The following DNAH11 variants were observed in gnomAD, a reference collection of about 807,000 sequenced individuals.
The protein encoded by DNAH11 is axonemal beta dynein heavy chain 11.
In DNAH11, 442 loss-of-function variants were observed where a neutral mutation model predicts 526.0. The ratio of observed to expected loss-of-function variants is 0.84; its 90% CI spans 0.78 to 0.91. The LOEUF is 0.91. DNAH11 is among the 40% of genes least tolerant of loss of function. The pLI is 0.00. For missense variants in DNAH11, 6,989 were observed against 5,448.7 expected (o/e 1.28, Z -8.90); for synonymous variants, 2,461 against 1,935.9 (o/e 1.27, Z -7.12).
intron 43 of DNAH11, among the ~76,000 whole-genome samples, chr7:21,718,618 A>C (rs1021104242): frequency 1.3e-5 from 2 of 152,204 alleles, no homozygotes; most frequent in Non-Finnish European, 2.9e-5. Context: ...AAAATAATTC[A>C]CAACACACAG....
rs770186131 is a variant in DNAH11 at position 21,600,137 on chromosome 7, G to A, written c.3000+18G>A. On this transcript the variant is annotated intron_variant, in intron 15 of 81. Coordinates refer to ENST00000409508, the MANE Select transcript of DNAH11 (RefSeq NM_001277115.2). ...ATTATCAGGTATTTTCTTAGTAAAT[G>A]GGTATTTAGCTTTTATATTAATGAT... The A allele has an allele frequency of 6.6e-7, 1 of 1,521,670 alleles. No individual in the cohort carries two copies. The highest frequency in any genetic ancestry group is 8.8e-7 in the Non-Finnish European group (1 of 1,132,972). The allele number at this position is 1,521,670 out of a possible 1,614,324, so 94.3% of individuals were successfully genotyped here.
At chr7:21,631,418 A>C (rs1277450604) in intron 25 of DNAH11, among the ~76,000 whole-genome samples, 1 of 152,206 alleles carries the variant, frequency 6.6e-6, no homozygotes. Context: ...AAGAGTCCAC[A>C]GTTGTTCAAA....
chr7:21,696,319 G>T (rs1052588252), intron 35 of DNAH11, among the ~76,000 whole-genome samples: 7 of 152,022 alleles, frequency 4.6e-5, no homozygotes, highest in African/African-American at 1.7e-4. Context: ...AATCTGATGA[G>T]AACTTATTTT....
At chr7:21,803,974 G>T (rs536736481) in intron 62 of DNAH11, among the ~76,000 whole-genome samples, 3 of 152,368 alleles carry the variant, frequency 2.0e-5, no homozygotes, top group East Asian at 1.9e-4. Flanking sequence ...CATCTCATGG[G>T]ACTGGGCACA....
At chr7:21,650,953 TTA>T (rs748761663) in intron 28 of DNAH11, among the ~76,000 whole-genome samples, 5 of 118,960 alleles carry the variant, frequency 4.2e-5, no homozygotes, top group Non-Finnish European at 5.4e-5. Context: ...AACTGTTATT[TTA>T]AAAAAAAAAA....
chr7:21,817,291 A>G (rs1012389855), intron 64 of DNAH11, among the ~76,000 whole-genome samples: 2 of 152,150 alleles, frequency 1.3e-5, no homozygotes, highest in African/African-American at 4.8e-5. Flanking sequence ...TTAATGTTGA[A>G]TAAATTATTT....
intron 25 of DNAH11, among the ~76,000 whole-genome samples, chr7:21,632,213 G>T (rs1370557631): frequency 2.0e-5 from 3 of 152,176 alleles, no homozygotes; most frequent in Middle Eastern, 3.2e-3. Flanking sequence ...AGGAACCCTG[G>T]GCCTGGCCCA....
chr7:21,833,813 T>C (rs1264571903), intron 65 of DNAH11, among the ~76,000 whole-genome samples: 17 of 152,362 alleles, frequency 1.1e-4, no homozygotes, highest in Admixed American at 1.0e-3. Flanking sequence ...TTGGTATCTC[T>C]TATGTGTGAG....
At chr7:21,787,681 AT>A (rs759361475) in intron 60 of DNAH11, 98 bp downstream of exon 60, 1 of 1,090,278 alleles carries the variant, frequency 9.2e-7, no homozygotes, top group Non-Finnish European at 1.3e-6. Flanking sequence ...TTGTTATTTC[AT>A]TTTCTGAATA....
intron 65 of DNAH11, among the ~76,000 whole-genome samples, chr7:21,825,959 CA>C (rs56255077): frequency 0.024 from 1,637 of 68,262 alleles, 20 homozygotes; most frequent in African/African-American, 0.07. Flanking sequence ...ACTCTGTCTC[CA>C]AAAAAAAAAA....
chr7:21,561,260 G>A (rs934190527), intron 5 of DNAH11, 90 bp downstream of exon 5: 19 of 937,094 alleles, frequency 2.0e-5, no homozygotes, highest in African/African-American at 9.9e-5. Flanking sequence ...TTACCCTTCC[G>A]CCATGTTTGT....
intron 28 of DNAH11, among the ~76,000 whole-genome samples, chr7:21,650,327 C>T (rs1228706683): frequency 2.6e-5 from 4 of 151,946 alleles, no homozygotes; most frequent in African/African-American, 4.8e-5. Context: ...CATTATTGAA[C>T]GTTTGACAAA....
intron 28 of DNAH11, among the ~76,000 whole-genome samples, chr7:21,645,879 T>G (rs1220150196): frequency 6.6e-6 from 1 of 152,152 alleles, no homozygotes; most frequent in African/African-American, 2.4e-5. Flanking sequence ...TTCATAATCT[T>G]GCACTAAGCA....
chr7:21,589,142 T>C, intron 11 of DNAH11, 66 bp from the exon 12 acceptor site: 2 of 1,250,804 alleles, frequency 1.6e-6, no homozygotes, highest in Non-Finnish European at 2.2e-6. Flanking sequence ...TGTATTACTA[T>C]ACAATTATTA....
chr7:21,593,934 C>G (rs1035237748), intron 14 of DNAH11, among the ~76,000 whole-genome samples: 4 of 151,822 alleles, frequency 2.6e-5, no homozygotes, highest in African/African-American at 9.7e-5. Flanking sequence ...CACACACACT[C>G]TCTTTCACAC....
chr7:21,865,284 T>G (rs1174344615), intron 70 of DNAH11, among the ~76,000 whole-genome samples: 2 of 152,200 alleles, frequency 1.3e-5, no homozygotes, highest in East Asian at 3.8e-4. Context: ...TTCTGTGCAT[T>G]GGAAATAACT....
chr7:21,720,930 G>C, intron 44 of DNAH11, 74 bp downstream of exon 44: 1 of 1,546,588 alleles, frequency 6.5e-7, no homozygotes, highest in South Asian at 1.2e-5. Context: ...GTTAAAACAT[G>C]TGATCTGTAC....
At position 21,766,431 on chromosome 7, in the gene DNAH11, A is replaced by T. The variant is rs575418856; in HGVS notation, c.9102+842A>T. 1.1e-4 allele frequency among the ~76,000 whole-genome samples: 16 copies of T among 152,332 alleles called. No homozygotes were observed. The East Asian group carries it at 2.7e-3, about 26-fold the overall frequency. On this transcript the variant is annotated intron_variant, in intron 55 of 81. Coordinates refer to ENST00000409508, the MANE Select transcript of DNAH11 (RefSeq NM_001277115.2). ...GTGAAAGGTTCCTAGAATAGGTCAGACACTGAAAGTGACTCTCAGAGGCAA... is the reference window on the plus strand; with the variant it reads ...GTGAAAGGTTCCTAGAATAGGTCAGTCACTGAAAGTGACTCTCAGAGGCAA...
intron 20 of DNAH11, 77 bp from the exon 21 acceptor site, chr7:21,615,037 G>T: frequency 7.1e-7 from 1 of 1,398,684 alleles, no homozygotes; most frequent in Non-Finnish European, 9.6e-7. Context: ...GAAATGTCGA[G>T]ATAACCAGAG....
Sources: gnomAD v4.1 joint callset for allele counts (sites outside exome capture counted in the v4.1 genomes callset) on GRCh38, gnomAD v4.1.1 for gene constraint, MANE v1.5 for transcripts, NCBI Gene and HGNC (gene_info 2026-07-23, HGNC 2026-07-21) for gene names.